The following MSI1 variants were observed in gnomAD, a reference collection of about 807,000 sequenced individuals.
MSI1 encodes RNA-binding protein Musashi homolog 1.
In MSI1, 15 loss-of-function variants were observed where a neutral mutation model predicts 54.4. The ratio of observed to expected loss-of-function variants is 0.28; its 90% CI spans 0.18 to 0.42. MSI1 has a LOEUF of 0.42. Ranked by LOEUF, MSI1 falls within the 20% of genes least tolerant of loss-of-function variation. MSI1 has a pLI of 1.00. For missense variants in MSI1, 304 were observed against 506.0 expected (o/e 0.60, Z 3.83); for synonymous variants, 200 against 196.5 (o/e 1.02, Z -0.15).
Position 120,368,797 on chromosome 12 carries a change from C to T in MSI1, c.100+36G>A, listed in dbSNP as rs1876200844. On this transcript the variant is annotated intron_variant, in intron 2 of 14. Coordinates refer to ENST00000257552, the MANE Select transcript of MSI1 (RefSeq NM_002442.4). This position sits in a 1 kb window ranked among gnomAD's most constrained non-coding sequence, Gnocchi z 6.6. ...CGGGGCGCCGGGGGGTCCGGGGTGC[C>T]CTGCCGGACCGGCGGGCGCTCCCGG... 6 of 1,414,772 alleles carry T rather than the reference C, an allele frequency of 4.2e-6. No homozygotes were observed. The South Asian group carries it at 8.6e-5, about 20-fold the overall frequency. 87.6% of individuals were successfully genotyped at this position (1,414,772 alleles called of 1,614,324 possible).
At chr12:120,357,594 C>T (rs1875246703) in intron 8 of MSI1, among the ~76,000 whole-genome samples, 1 of 152,228 alleles carries the variant, frequency 6.6e-6, no homozygotes, top group Non-Finnish European at 1.5e-5. Flanking sequence ...CAACCTCCAC[C>T]TCCCGGGTTC....
chr12:120,343,546 T>G (rs1177139015), intron 14 of MSI1, among the ~76,000 whole-genome samples: 3 of 151,994 alleles, frequency 2.0e-5, no homozygotes, highest in Non-Finnish European at 2.9e-5. Flanking sequence ...TTCTGTTCCC[T>G]GGTTGGATGC....
rs371488847 is a variant in MSI1 at position 120,367,959 on chromosome 12, G to T, written c.267+49C>A. The T allele has an allele frequency of 4.2e-4, 657 of 1,552,466 alleles. 1 individual carries two copies. Among genetic ancestry groups the T allele is most frequent in the Non-Finnish European group, 5.4e-4 (621 of 1,141,618 alleles). ...GGGGAGAGTCCTGACCCTCTCCTCC[G>T]GCAGCCTCCCTCTCCCAAAGGACCC... On this transcript the variant is annotated intron_variant, in intron 4 of 14. Transcript: ENST00000257552.
At chr12:120,365,178 C>G (rs560210464) in intron 4 of MSI1, among the ~76,000 whole-genome samples, 1 of 152,078 alleles carries the variant, frequency 6.6e-6, no homozygotes. Flanking sequence ...TCCAAAGTCC[C>G]GGGATTACAG....
chr12:120,342,629 A>G lies in MSI1; in HGVS notation c.*498T>C, dbSNP rs1273542261. ...GGGCTTCACATTCACAAACCTAGAA[A>G]TAGTTTAAAAAAGGTTTCTTTAAAA... is the stretch of plus-strand genomic sequence containing the variant. On this transcript the variant is annotated 3_prime_UTR_variant, in exon 15 of 15. Coordinates refer to ENST00000257552, the MANE Select transcript of MSI1 (RefSeq NM_002442.4). 2.2e-4 allele frequency: 33 copies of G among 147,014 alleles called. No individual in the cohort carries two copies. Among genetic ancestry groups the G allele is most frequent in the Middle Eastern group, 3.2e-3 (1 of 310 alleles). The allele number at this position is 147,014 out of a possible 1,614,324, so 9.1% of individuals were successfully genotyped here. A position where few individuals can be genotyped will look rare whatever the true frequency, so the allele number is the denominator to read the frequency against.
chr12:120,353,430 T>C (rs1874816899), intron 9 of MSI1, 51 bp from the exon 10 acceptor site: 1 of 1,551,256 alleles, frequency 6.4e-7, no homozygotes, highest in Non-Finnish European at 8.9e-7. Flanking sequence ...GGGCGGATCC[T>C]GATCATGGAG....
chr12:120,351,538 G>C, intron 10 of MSI1, 138 bp from the exon 11 acceptor site: 2 of 705,084 alleles, frequency 2.8e-6, no homozygotes, highest in Non-Finnish European at 4.7e-6. Context: ...GGGAGGGGGA[G>C]AGCACAGTTC....
At position 120,351,406 on chromosome 12, in the gene MSI1, A is replaced by T; in HGVS notation, c.734-6T>A. On this transcript the variant is annotated splice_region_variant and splice_polypyrimidine_tract_variant and intron_variant, in intron 10 of 14. Coordinates refer to ENST00000257552, the MANE Select transcript of MSI1 (RefSeq NM_002442.4). The stretch of plus-strand genomic sequence containing the variant: ...GGTCCGCTCTACACGGAATTCTAAA[A>T]TGAAACGTAAAACAGCTTAGGAAGA... 6.2e-7 allele frequency: 1 copy of T among 1,613,434 alleles called. No individual in the cohort carries two copies. The highest frequency in any genetic ancestry group is 8.5e-7 in the Non-Finnish European group (1 of 1,179,810).
chr12:120,354,224 G>C (rs1279219687), intron 9 of MSI1, among the ~76,000 whole-genome samples: 3 of 152,138 alleles, frequency 2.0e-5, no homozygotes, highest in Middle Eastern at 3.4e-3. Context: ...AGCCTCAAGT[G>C]ATCCTCCTGC....
chr12:120,346,270 T>TGGG lies in MSI1; in HGVS notation c.911_912insCCC (p.Thr304_Gly305insPro). 1.9e-6 allele frequency: 3 copies of TGGG among 1,590,568 alleles called. No homozygotes were observed. Among genetic ancestry groups the TGGG allele is most frequent in the Non-Finnish European group, 2.6e-6 (3 of 1,169,434 alleles). On this transcript the variant is annotated inframe_insertion, in exon 13 of 15. Transcript: ENST00000257552. The stretch of plus-strand genomic sequence containing the variant: ...GGCTGGTGGTCCCCAGGAAGCCCCC[T>TGGG]GTGCGGCTGGGAGTCGAACCTGGAG...
chr12:120,346,912 G>A (rs73416930), intron 12 of MSI1, among the ~76,000 whole-genome samples: 3,293 of 151,782 alleles, frequency 0.022, 120 homozygotes, highest in African/African-American at 0.075. Flanking sequence ...CCACCACCAG[G>A]CTGCAAGCCC....
At chr12:120,353,704 C>T (rs1433242034) in intron 9 of MSI1, among the ~76,000 whole-genome samples, 1 of 152,212 alleles carries the variant, frequency 6.6e-6, no homozygotes, top group Non-Finnish European at 1.5e-5. Flanking sequence ...TCATCTCCTG[C>T]ACACTGCTCC....
intron 10 of MSI1, among the ~76,000 whole-genome samples, chr12:120,352,536 A>C (rs1874708046): frequency 8.8e-6 from 1 of 113,254 alleles, no homozygotes; most frequent in Non-Finnish European, 2.1e-5. Context: ...CCTCATCTCT[A>C]AAATGAGGAT....
At chr12:120,358,301 C>T (rs571143914) in intron 7 of MSI1, among the ~76,000 whole-genome samples, 8 of 152,364 alleles carry the variant, frequency 5.3e-5, no homozygotes, top group Middle Eastern at 3.4e-3. Context: ...CACACATTCA[C>T]GCATGCATAC....
chr12:120,364,317 C>G (rs143360427), intron 5 of MSI1, among the ~76,000 whole-genome samples: 6 of 152,150 alleles, frequency 3.9e-5, no homozygotes, highest in African/African-American at 1.4e-4. Flanking sequence ...AGCTCCCTAG[C>G]CTGCCTGTAG....
At chr12:120,359,636 G>A (rs1037197917) in intron 6 of MSI1, among the ~76,000 whole-genome samples, 23 of 152,130 alleles carry the variant, frequency 1.5e-4, no homozygotes, top group Non-Finnish European at 2.9e-4. Context: ...AGGAGACTGG[G>A]AAAGGGGGAG....
intron 5 of MSI1, among the ~76,000 whole-genome samples, chr12:120,363,853 G>A (rs1245286861): frequency 6.6e-6 from 1 of 152,138 alleles, no homozygotes; most frequent in Non-Finnish European, 1.5e-5. Flanking sequence ...GGAGTTGGGG[G>A]ACTTGATGGA....
chr12:120,348,980 C>G (rs1054932252), intron 11 of MSI1, among the ~76,000 whole-genome samples: 5 of 152,112 alleles, frequency 3.3e-5, no homozygotes, highest in Non-Finnish European at 7.4e-5. Flanking sequence ...TTCAAGCTAT[C>G]CTCCTGTGTT....
chr12:120,362,973 C>T (rs966634347), intron 6 of MSI1, 70 bp downstream of exon 6: 61 of 1,307,994 alleles, frequency 4.7e-5, no homozygotes, highest in East Asian at 2.8e-4. Context: ...TGGCTGGATT[C>T]GGCTTGCTAG....
Sources: allele counts gnomAD v4.1 joint callset (sites outside exome capture counted in the v4.1 genomes callset), GRCh38; gene constraint gnomAD v4.1.1; non-coding constraint Gnocchi (gnomAD v3.1); transcripts MANE v1.5; gene names NCBI Gene and HGNC (gene_info 2026-07-23, HGNC 2026-07-21).